LRR1: variants seen among roughly 807,000 people sequenced by gnomAD.
The protein encoded by LRR1 is leucine rich repeat protein 1.
In LRR1, 29 loss-of-function variants were observed where a neutral mutation model predicts 31.6. That is an observed-to-expected ratio of 0.92 (90% CI 0.68 to 1.25). The LOEUF (loss-of-function observed/expected upper bound fraction) is 1.25, where lower values mean the gene tolerates loss of function less well. Ranked by LOEUF, LRR1 falls within the 50% of genes most tolerant of loss-of-function variation. LRR1 has a pLI of 0.00. For synonymous variants in LRR1, 179 were observed against 181.4 expected, an observed-to-expected ratio of 0.99 and a Z score of 0.10; for missense variants, 485 against 487.2, an observed-to-expected ratio of 1.00 and a Z score of 0.04.
intron 2 of LRR1, among the ~76,000 whole-genome samples, chr14:49,606,167 C>T (rs1434864212): frequency 6.6e-6 from 1 of 151,384 alleles, no homozygotes; most frequent in African/African-American, 2.4e-5. Flanking sequence ...GCTGGGATTA[C>T]AGGCGCCTGC....
rs546920395 is a variant in LRR1 at position 49,602,465 on chromosome 14, T to G, written c.279T>G (p.Ser93Arg). ...AGCCTCCTGTGGATATCTGTCTAAG[T>G]AAGGTATGGTATTAAAAACATTAAT... Reference protein sequence around the residue: ...LKEPPVDICLSKAISSSLKGF... With the variant: ...LKEPPVDICLRKAISSSLKGF... Residue 93 changes from serine (S) to arginine (R), a missense_variant, in exon 2 of 4, where the codon AGT becomes AGG. Transcript: ENST00000298288. 13 of 1,606,430 alleles carry G rather than the reference T, an allele frequency of 8.1e-6. No individual in the cohort carries two copies. The African/African-American group carries it at 1.5e-4, about 18-fold the overall frequency.
intron 3 of LRR1, among the ~76,000 whole-genome samples, chr14:49,610,634 C>T (rs1179176719): frequency 6.6e-6 from 1 of 151,088 alleles, no homozygotes; most frequent in Non-Finnish European, 1.5e-5. Context: ...GTGATCTCAG[C>T]TCACTGCAAC....
At chr14:49,612,028 T>C (rs1344094229) in intron 3 of LRR1, among the ~76,000 whole-genome samples, 1 of 152,162 alleles carries the variant, frequency 6.6e-6, no homozygotes, top group East Asian at 1.9e-4. Context: ...GAAAAGATTA[T>C]AACAAGTTTG....
At chr14:49,605,436 G>A (rs1403449429) in intron 2 of LRR1, among the ~76,000 whole-genome samples, 1 of 151,990 alleles carries the variant, frequency 6.6e-6, no homozygotes, top group African/African-American at 2.4e-5. Flanking sequence ...TGAATTCATT[G>A]TCTCCACTTT....
chr14:49,609,799 C>T (rs1021835122), intron 3 of LRR1, among the ~76,000 whole-genome samples: 5 of 152,014 alleles, frequency 3.3e-5, no homozygotes, highest in South Asian at 4.1e-4. Context: ...CTCTGCCTCC[C>T]GAGTTCCAGG....
In LRR1 at chr14:49,600,198, G is replaced by A. The variant is rs1881999352; in HGVS notation, c.183+995G>A. On this transcript the variant is annotated intron_variant, in intron 1 of 3. Coordinates refer to ENST00000298288, the MANE Select transcript of LRR1 (RefSeq NM_152329.4). Reference sequence around the variant, plus strand: ...ACTCTATAACACCGCCGGACAGGAAGACTATGACCATCTGAGGCCTTTATC... The same window carrying A: ...ACTCTATAACACCGCCGGACAGGAAAACTATGACCATCTGAGGCCTTTATC... The A allele has an allele frequency of 3.4e-6, 5 of 1,478,298 alleles. No individual in the cohort carries two copies. The South Asian group carries it at 3.4e-5, about 10-fold the overall frequency. 91.6% of individuals were successfully genotyped at this position (1,478,298 alleles called of 1,614,324 possible).
At chr14:49,611,937 A>G (rs916133082) in intron 3 of LRR1, among the ~76,000 whole-genome samples, 2 of 151,782 alleles carry the variant, frequency 1.3e-5, no homozygotes, top group African/African-American at 4.8e-5. Context: ...AAAAAAAAAA[A>G]AAGAAAAGAA....
chr14:49,602,016 C>T (rs907625890), intron 1 of LRR1, among the ~76,000 whole-genome samples: 2 of 151,394 alleles, frequency 1.3e-5, no homozygotes, highest in African/African-American at 4.9e-5. Flanking sequence ...ACCTGTAATC[C>T]GAGCTACTCA....
At chr14:49,612,306 T>G (rs1297743832) in intron 3 of LRR1, among the ~76,000 whole-genome samples, 1 of 152,196 alleles carries the variant, frequency 6.6e-6, no homozygotes, top group Non-Finnish European at 1.5e-5. Flanking sequence ...AAAAAGTATA[T>G]AGATTTAAAG....
Position 49,614,547 on chromosome 14 carries a change from T to A in LRR1, c.*51T>A. 1 of 1,609,976 alleles carries A rather than the reference T, an allele frequency of 6.2e-7. No individual in the cohort carries two copies. The highest frequency in any genetic ancestry group is 2.2e-5 in the East Asian group (1 of 44,814). ...CAATAACAGATCAGTTTGGGGTGCA[T>A]GTATGATTTTGCAGCGTCAAATTGG... On this transcript the variant is annotated 3_prime_UTR_variant, in exon 4 of 4. Coordinates refer to ENST00000298288, the MANE Select transcript of LRR1 (RefSeq NM_152329.4).
intron 2 of LRR1, among the ~76,000 whole-genome samples, chr14:49,604,433 C>G (rs1882209016): frequency 6.6e-6 from 1 of 152,164 alleles, no homozygotes; most frequent in Non-Finnish European, 1.5e-5. Context: ...GACACGGTGG[C>G]TCACGCCTAT....
intron 3 of LRR1, among the ~76,000 whole-genome samples, chr14:49,613,815 A>T (rs900614598): frequency 2.6e-5 from 4 of 152,224 alleles, no homozygotes; most frequent in African/African-American, 9.6e-5. Context: ...TCTGTCTCAA[A>T]AAGTAAAAAT....
At position 49,600,392 on chromosome 14, in the gene LRR1, A is replaced by G. The variant is rs1882009223; in HGVS notation, c.183+1189A>G. On this transcript the variant is annotated intron_variant, in intron 1 of 3. Transcript: ENST00000298288. Reference sequence around the variant, plus strand: ...TCCGAGATGACCCCAAAACTTTAGCAAGACTGAGTGATATGAAAGAAAAAC... The same window carrying G: ...TCCGAGATGACCCCAAAACTTTAGCGAGACTGAGTGATATGAAAGAAAAAC... 5.0e-6 allele frequency: 8 copies of G among 1,601,884 alleles called. No homozygotes were observed. In the South Asian group the frequency reaches 7.7e-5, roughly 15 times the overall value.
intron 3 of LRR1, among the ~76,000 whole-genome samples, chr14:49,613,761 AG>A (rs1302695296): frequency 2.0e-5 from 3 of 152,026 alleles, no homozygotes; most frequent in Non-Finnish European, 2.9e-5. Context: ...GATTGCAGTG[AG>A]AGCGCGCACC....
intron 1 of LRR1, chr14:49,601,575 C>G: frequency 8.0e-7 from 1 of 1,252,448 alleles, no homozygotes; most frequent in Non-Finnish European, 1.0e-6. Context: ...AGACAAGATT[C>G]CTGCTCTCAT....
intron 1 of LRR1, chr14:49,601,393 A>G (rs1486094822): frequency 1.2e-5 from 6 of 492,264 alleles, no homozygotes; most frequent in South Asian, 5.3e-5. Flanking sequence ...TACCTGGTAC[A>G]TAGTGGGTTC....
At chr14:49,603,161 T>C (rs1035351175) in intron 2 of LRR1, among the ~76,000 whole-genome samples, 2 of 152,182 alleles carry the variant, frequency 1.3e-5, no homozygotes, top group Admixed American at 6.5e-5. Context: ...GTATTTTCTT[T>C]AAAGAAGGCT....
chr14:49,614,202 A>G (rs1485120606), intron 3 of LRR1, 54 bp from the exon 4 acceptor site: 2 of 1,533,032 alleles, frequency 1.3e-6, no homozygotes, highest in African/African-American at 1.4e-5. Context: ...CTAATAATTC[A>G]TGTCCTGAAT....
In LRR1 at chr14:49,614,276, T is replaced by C; in HGVS notation, c.1025T>C (p.Ile342Thr). Reference protein sequence around the residue: ...LHNRIPYGSHIIPFHLCQDLD... With the variant: ...LHNRIPYGSHTIPFHLCQDLD... ...AATAGGATTCCATATGGCTCTCATA[T>C]CATTCCATTCCATCTCTGCCAAGAT... The change falls in exon 4 of 4, where the codon ATC becomes ACC. Residue 342 changes from isoleucine to threonine, a missense_variant. By Grantham distance (89) the Ile-to-Thr change is moderately conservative. This residue lies in a region of LRR1 where 210 missense variants were observed against 200.4 expected (regional missense o/e 1.05). Coordinates refer to ENST00000298288, the MANE Select transcript of LRR1 (RefSeq NM_152329.4). 2.5e-6 allele frequency: 4 copies of C among 1,613,236 alleles called. No individual in the cohort carries two copies. The highest frequency in any genetic ancestry group is 3.4e-6 in the Non-Finnish European group (4 of 1,179,792).
Sources: gnomAD v4.1 joint callset for allele counts (sites outside exome capture counted in the v4.1 genomes callset) on GRCh38, gnomAD v4.1.1 for gene constraint, gnomAD v4.1.1 regional missense constraint, MANE v1.5 for transcripts, NCBI Gene and HGNC (gene_info 2026-07-23, HGNC 2026-07-21) for gene names.